Variants in CSMD1 observed in about 807,000 individuals in gnomAD.
The protein encoded by CSMD1 is CUB and sushi domain-containing protein 1.
CSMD1 carries 213 observed loss-of-function variants against 417.5 expected under a neutral mutation model. That is an observed-to-expected ratio of 0.51 (90% CI 0.46 to 0.57). CSMD1 has a LOEUF of 0.57. Ranked by LOEUF, CSMD1 falls within the 20% of genes least tolerant of loss-of-function variation. The pLI, the probability that CSMD1 is intolerant of heterozygous loss-of-function variation, is 0.00. For synonymous variants in CSMD1, 2,862 were observed against 1,736.8 expected, an observed-to-expected ratio of 1.65 and a Z score of -16.11; for missense variants, 6,923 against 4,529.7, an observed-to-expected ratio of 1.53 and a Z score of -15.17.
At chr8:4,255,038 G>C (rs985872190) in intron 3 of CSMD1, among the ~76,000 whole-genome samples, 1 of 152,150 alleles carries the variant, frequency 6.6e-6, no homozygotes. Context: ...GTACCATAGA[G>C]GAGTTGATCA....
In CSMD1 at chr8:3,141,518, G is replaced by T. The variant is rs866684378; in HGVS notation, c.6241+947C>A. Among the ~76,000 whole-genome samples the T allele has an allele frequency of 1.5e-4, 23 of 152,194 alleles. No individual in the cohort carries two copies. The Middle Eastern group carries it at 0.024, about 158-fold the overall frequency. ...CTGTAAGATTAGACATTATGGTTTA[G>T]GGGTCATGCAGCCTCTGGTTCCAAG... On this transcript the variant is annotated intron_variant, in intron 41 of 69. Transcript: ENST00000635120.
intron 54 of CSMD1, among the ~76,000 whole-genome samples, chr8:2,984,940 A>C (rs1397719760): frequency 1.3e-5 from 2 of 152,252 alleles, no homozygotes; most frequent in Non-Finnish European, 2.9e-5. Flanking sequence ...CAACTTAAAA[A>C]ATACATTGAA....
chr8:3,504,708 T>G (rs1259650024), intron 10 of CSMD1, among the ~76,000 whole-genome samples: 1 of 152,190 alleles, frequency 6.6e-6, no homozygotes, highest in African/African-American at 2.4e-5. Flanking sequence ...TTTTATCACC[T>G]GCACCCTTCC....
chr8:3,138,426 C>T (rs904106123), intron 41 of CSMD1, among the ~76,000 whole-genome samples: 1 of 152,148 alleles, frequency 6.6e-6, no homozygotes, highest in Admixed American at 6.5e-5. Context: ...TCACTGAAAG[C>T]AAGTCACACC....
At chr8:3,978,210 G>A (rs193101699) in intron 5 of CSMD1, among the ~76,000 whole-genome samples, 6 of 152,298 alleles carry the variant, frequency 3.9e-5, no homozygotes, top group Admixed American at 2.0e-4. Context: ...TGAGGTCACT[G>A]CTGTGTGCTA....
chr8:2,959,122 G>C (rs752254433), intron 62 of CSMD1, among the ~76,000 whole-genome samples: 4 of 152,156 alleles, frequency 2.6e-5, no homozygotes, highest in Admixed American at 1.3e-4. Context: ...TTAAACTTTA[G>C]AGTCAGGGCC....
At chr8:3,940,200 G>C (rs549577747) in intron 5 of CSMD1, among the ~76,000 whole-genome samples, 1 of 151,618 alleles carries the variant, frequency 6.6e-6, no homozygotes, top group Admixed American at 6.6e-5. Flanking sequence ...TATTATTTTT[G>C]AAAAAGTTCT....
chr8:3,663,867 G>A (rs1004693547), intron 7 of CSMD1, among the ~76,000 whole-genome samples: 4 of 152,150 alleles, frequency 2.6e-5, no homozygotes, highest in African/African-American at 7.2e-5. Context: ...CTGAGGTTGT[G>A]TCACAGGCGC....
intron 11 of CSMD1, among the ~76,000 whole-genome samples, chr8:3,479,781 G>T (rs1259242982): frequency 6.6e-6 from 1 of 151,734 alleles, no homozygotes; most frequent in Admixed American, 6.6e-5. Flanking sequence ...AACCCCAACA[G>T]AAATGAATCA....
chr8:4,709,901 T>C (rs986631600), intron 1 of CSMD1, among the ~76,000 whole-genome samples: 4 of 152,098 alleles, frequency 2.6e-5, no homozygotes, highest in Non-Finnish European at 5.9e-5. Context: ...ACATCTGAAA[T>C]GGCCCAAGGA....
intron 6 of CSMD1, among the ~76,000 whole-genome samples, chr8:3,724,286 G>A (rs1277951443): frequency 6.6e-6 from 1 of 151,860 alleles, no homozygotes; most frequent in African/African-American, 2.4e-5. Context: ...CCATGCTGGT[G>A]TGCCGCACCC....
At chr8:4,021,242 A>AAT (rs1381942234) in intron 4 of CSMD1, among the ~76,000 whole-genome samples, 1 of 152,254 alleles carries the variant, frequency 6.6e-6, no homozygotes, top group Non-Finnish European at 1.5e-5. Flanking sequence ...TGAAAATCAA[A>AAT]ATACTTCACT....
chr8:4,457,981 G>T (rs1395333078), intron 2 of CSMD1, among the ~76,000 whole-genome samples: 1 of 152,122 alleles, frequency 6.6e-6, no homozygotes, highest in Non-Finnish European at 1.5e-5. Flanking sequence ...TTTGGTTGGT[G>T]GCACTTCCCC....
At chr8:4,126,240 C>A (rs750427600) in intron 3 of CSMD1, among the ~76,000 whole-genome samples, 1 of 152,160 alleles carries the variant, frequency 6.6e-6, no homozygotes. Context: ...AATAATAAAA[C>A]TCCAGTCTCC....
chr8:4,313,488 AG>A (rs1160286363), intron 3 of CSMD1, among the ~76,000 whole-genome samples: 1 of 137,974 alleles, frequency 7.2e-6, no homozygotes, highest in African/African-American at 2.7e-5. Context: ...GAGCTCCCAA[AG>A]GTCTTACATG....
At chr8:4,379,148 A>C (rs1802938658) in intron 3 of CSMD1, among the ~76,000 whole-genome samples, 1 of 152,316 alleles carries the variant, frequency 6.6e-6, no homozygotes, top group East Asian at 1.9e-4. Flanking sequence ...CAGCCCCTGT[A>C]ATTTGAGACA....
chr8:3,961,096 A>G (rs1020072502), intron 5 of CSMD1, among the ~76,000 whole-genome samples: 7 of 152,172 alleles, frequency 4.6e-5, no homozygotes, highest in African/African-American at 1.7e-4. Flanking sequence ...AAGGCTACAA[A>G]GTCTCCAAGA....
intron 1 of CSMD1, among the ~76,000 whole-genome samples, chr8:4,942,315 C>CCTAA (rs139549161): frequency 1.6e-3 from 239 of 152,122 alleles, no homozygotes; most frequent in African/African-American, 5.2e-3. Context: ...TGAATTCTTG[C>CCTAA]CTAACTCTGA....
intron 1 of CSMD1, chr8:4,787,714 A>G (rs968897465): frequency 5.0e-6 from 8 of 1,591,444 alleles, no homozygotes; most frequent in Non-Finnish European, 6.9e-6. Context: ...GGATGCTGCC[A>G]ATAATGACCC....
Sources: gnomAD v4.1 joint callset for allele counts (sites outside exome capture counted in the v4.1 genomes callset) on GRCh38, gnomAD v4.1.1 for gene constraint, MANE v1.5 for transcripts, NCBI Gene and HGNC (gene_info 2026-07-23, HGNC 2026-07-21) for gene names.